The following TMTC2 variants were observed in gnomAD, a reference collection of about 807,000 sequenced individuals.
TMTC2 encodes protein O-mannosyl-transferase TMTC2.
TMTC2 carries 43 observed loss-of-function variants against 82.4 expected under a neutral mutation model. The ratio of observed to expected loss-of-function variants is 0.52; its 90% confidence interval spans 0.41 to 0.67. The LOEUF is 0.67. TMTC2 is among the 30% of genes least tolerant of loss of function. TMTC2 has a pLI of 0.00. For synonymous variants in TMTC2, 408 were observed against 381.9 expected (o/e 1.07, Z -0.80); for missense variants, 919 against 1,012.4 (o/e 0.91, Z 1.25).
chr12:82,713,307 C>T (rs1346575346), intron 1 of TMTC2, among the ~76,000 whole-genome samples: 1 of 149,886 alleles, frequency 6.7e-6, no homozygotes, highest in Non-Finnish European at 1.5e-5. Flanking sequence ...AAGAACGAAA[C>T]TCTGTTTCAA....
chr12:82,758,467 G>C (rs1039825599), intron 1 of TMTC2: 1 of 152,128 alleles, frequency 6.6e-6, no homozygotes, highest in Non-Finnish European at 1.5e-5. Flanking sequence ...CTGGTATGAG[G>C]ATAAGTTGGT....
At chr12:82,833,224 C>T (rs976966924) in intron 1 of TMTC2, among the ~76,000 whole-genome samples, 6 of 151,912 alleles carry the variant, frequency 3.9e-5, no homozygotes, top group African/African-American at 1.4e-4. Context: ...TTTGTTTTAC[C>T]GTAGCATAAT....
chr12:83,047,023 A>C (rs1048516916), intron 9 of TMTC2, among the ~76,000 whole-genome samples: 2 of 152,224 alleles, frequency 1.3e-5, no homozygotes, highest in African/African-American at 2.4e-5. Context: ...TTGGGCATAA[A>C]AATGAAAGCT....
At chr12:82,763,891 A>G in intron 1 of TMTC2, among the ~76,000 whole-genome samples, 1 of 152,212 alleles carries the variant, frequency 6.6e-6, no homozygotes, top group East Asian at 1.9e-4. Flanking sequence ...TGATGCTAGC[A>G]TAATCCTGAA....
intron 1 of TMTC2, among the ~76,000 whole-genome samples, chr12:82,738,265 C>T (rs1369656741): frequency 6.6e-6 from 1 of 152,178 alleles, no homozygotes; most frequent in Non-Finnish European, 1.5e-5. Flanking sequence ...CATAAAAGTG[C>T]ATCTATCTTT....
intron 7 of TMTC2, among the ~76,000 whole-genome samples, chr12:82,977,403 C>G (rs1878722118): frequency 6.6e-6 from 1 of 151,194 alleles, no homozygotes; most frequent in Non-Finnish European, 1.5e-5. Flanking sequence ...AAAACCAGAC[C>G]AATAGGACAA....
intron 1 of TMTC2, among the ~76,000 whole-genome samples, chr12:82,754,620 C>T (rs910643911): frequency 1.3e-5 from 2 of 151,956 alleles, no homozygotes; most frequent in African/African-American, 4.8e-5. Flanking sequence ...ATCTGGAGTC[C>T]CAGCTACTTA....
intron 8 of TMTC2, among the ~76,000 whole-genome samples, chr12:82,995,661 T>C (rs1249756834): frequency 1.3e-5 from 2 of 152,228 alleles, no homozygotes; most frequent in Non-Finnish European, 2.9e-5. Context: ...ATTTCATATA[T>C]CCCTTGATAT....
At chr12:82,867,924 T>G (rs1048260356) in intron 2 of TMTC2, among the ~76,000 whole-genome samples, 40 of 152,212 alleles carry the variant, frequency 2.6e-4, no homozygotes, top group African/African-American at 8.9e-4. Context: ...CACGCAGAGA[T>G]GCTTATAAGT....
At chr12:82,849,677 A>C (rs1317247318) in intron 1 of TMTC2, among the ~76,000 whole-genome samples, 1 of 152,144 alleles carries the variant, frequency 6.6e-6, no homozygotes, top group Non-Finnish European at 1.5e-5. Context: ...TTACATGGGA[A>C]TTACACAGTG....
At chr12:82,891,928 C>T (rs1450026240) in intron 2 of TMTC2, among the ~76,000 whole-genome samples, 1 of 152,046 alleles carries the variant, frequency 6.6e-6, no homozygotes, top group African/African-American at 2.4e-5. Context: ...CAAAAAAATA[C>T]ACACGCACAC....
At chr12:82,984,899 A>G (rs973784185) in intron 7 of TMTC2, among the ~76,000 whole-genome samples, 1 of 152,024 alleles carries the variant, frequency 6.6e-6, no homozygotes, top group African/African-American at 2.4e-5. Flanking sequence ...TAAAATATAT[A>G]TTATTAGAGT....
At chr12:82,909,192 G>A (rs1259773735) in intron 3 of TMTC2, among the ~76,000 whole-genome samples, 2 of 152,172 alleles carry the variant, frequency 1.3e-5, no homozygotes, top group Non-Finnish European at 2.9e-5. Context: ...GCAGATCACA[G>A]TTTATGTGGC....
intron 1 of TMTC2, among the ~76,000 whole-genome samples, chr12:82,710,390 T>C (rs1873565938): frequency 6.6e-6 from 1 of 152,210 alleles, no homozygotes; most frequent in African/African-American, 2.4e-5. Context: ...GCCACCTCCA[T>C]TTTAGTTGTT....
At chr12:83,098,280 A>G (rs1026732073) in intron 11 of TMTC2, among the ~76,000 whole-genome samples, 4 of 152,222 alleles carry the variant, frequency 2.6e-5, no homozygotes, top group Admixed American at 1.3e-4. Context: ...TCCAGCAGCT[A>G]TGCTAGTAAT....
chr12:83,129,202 A>C (rs139065101), intron 11 of TMTC2, among the ~76,000 whole-genome samples: 1 of 152,302 alleles, frequency 6.6e-6, no homozygotes, highest in African/African-American at 2.4e-5. Context: ...AATATGTTGA[A>C]TAATATTCTT....
chr12:82,810,744 G>C (rs1396852738), intron 1 of TMTC2, among the ~76,000 whole-genome samples: 1 of 152,074 alleles, frequency 6.6e-6, no homozygotes, highest in South Asian at 2.1e-4. Flanking sequence ...GAATCATGGG[G>C]CTGTTTCCCT....
At position 82,750,588 on chromosome 12, in the gene TMTC2, G is replaced by T. The variant is rs965211292; in HGVS notation, c.83+62919G>T. 1.2e-4 allele frequency among the ~76,000 whole-genome samples: 18 copies of T among 152,148 alleles called. No individual in the cohort carries two copies. In the East Asian group the frequency reaches 3.5e-3, roughly 29 times the overall value. Reference sequence around the variant, plus strand: ...AACGGTAAGTGCTTTGTATGAACTGGCTTATTTAATTTTCACAGTGCTGTG... The same window carrying T: ...AACGGTAAGTGCTTTGTATGAACTGTCTTATTTAATTTTCACAGTGCTGTG... On this transcript the variant is annotated intron_variant, in intron 1 of 11. Transcript: ENST00000321196.
At chr12:83,049,197 G>A (rs367724344) in intron 9 of TMTC2, among the ~76,000 whole-genome samples, 7 of 152,170 alleles carry the variant, frequency 4.6e-5, no homozygotes, top group African/African-American at 9.6e-5. Context: ...TGGGATACAC[G>A]TGCAGGTTTG....
Sources: gnomAD v4.1 joint callset for allele counts (sites outside exome capture counted in the v4.1 genomes callset) on GRCh38, gnomAD v4.1.1 for gene constraint, MANE v1.5 for transcripts, NCBI Gene and HGNC (gene_info 2026-07-23, HGNC 2026-07-21) for gene names.